ZNF804A: variants seen among roughly 807,000 people sequenced by gnomAD.
ZNF804A encodes the protein zinc finger protein 804A.
ZNF804A carries 2 observed loss-of-function variants against 16.5 expected under a neutral mutation model. The ratio of observed to expected loss-of-function variants is 0.12; its 90% CI spans 0.05 to 0.38. ZNF804A has a LOEUF of 0.38. Among genes scored for constraint, ZNF804A ranks in the 10% least tolerant of loss-of-function variants. The probability of loss-of-function intolerance (pLI) is 0.99; values close to 1 mark genes in which losing one functional copy is unlikely to be tolerated. For synonymous variants in ZNF804A, 534 were observed against 489.6 expected (o/e 1.09, Z -1.20); for missense variants, 1,473 against 1,390.7 (o/e 1.06, Z -0.94).
chr2:184,860,334 C>T (rs1695779642), intron 1 of ZNF804A, among the ~76,000 whole-genome samples: 1 of 152,194 alleles, frequency 6.6e-6, no homozygotes, highest in Non-Finnish European at 1.5e-5. Flanking sequence ...GGCCTGTGTC[C>T]ATGGTTACCT....
At chr2:184,698,944 C>T (rs1002755481) in intron 1 of ZNF804A, among the ~76,000 whole-genome samples, 3 of 151,916 alleles carry the variant, frequency 2.0e-5, no homozygotes, top group Non-Finnish European at 4.4e-5. Flanking sequence ...ATACTTGTAC[C>T]AATCAATGGC....
In ZNF804A at chr2:184,938,741, A is replaced by AGCT. The variant is rs1559010197; in HGVS notation, c.3347_3348insTGC (p.Ala1119dup). 6 of 1,608,020 alleles carry AGCT rather than the reference A, an allele frequency of 3.7e-6. No homozygotes were observed. Among genetic ancestry groups the AGCT allele is most frequent in the Admixed American group, 1.7e-5 (1 of 59,614 alleles). ...CTGCAGCTGCTGCAGCTGCAGCTGCAGCCGCAGCTGCAGGAACCTTTAAAG... is the reference window on the plus strand; with the variant it reads ...CTGCAGCTGCTGCAGCTGCAGCTGCAGCTGCCGCAGCTGCAGGAACCTTTAAAG... On this transcript the variant is annotated inframe_insertion, in exon 4 of 4. Transcript: ENST00000302277.
chr2:184,699,172 G>T (rs1692882334), intron 1 of ZNF804A, among the ~76,000 whole-genome samples: 1 of 151,982 alleles, frequency 6.6e-6, no homozygotes, highest in Non-Finnish European at 1.5e-5. Flanking sequence ...TTTATAATTG[G>T]CAATGATGGC....
At chr2:184,845,576 G>C (rs958763934) in intron 1 of ZNF804A, among the ~76,000 whole-genome samples, 42 of 152,156 alleles carry the variant, frequency 2.8e-4, no homozygotes, top group Non-Finnish European at 5.7e-4. Context: ...TCCTTCCCCT[G>C]GCTGGAACAA....
At chr2:184,884,542 CT>C (rs984686399) in intron 2 of ZNF804A, among the ~76,000 whole-genome samples, 1 of 151,954 alleles carries the variant, frequency 6.6e-6, no homozygotes, top group Non-Finnish European at 1.5e-5. Context: ...CACATTACCC[CT>C]TTTTAAACTA....
chr2:184,637,233 T>C (rs1320259132), intron 1 of ZNF804A, among the ~76,000 whole-genome samples: 2 of 152,172 alleles, frequency 1.3e-5, no homozygotes, highest in Non-Finnish European at 2.9e-5. Flanking sequence ...CTGATAATTA[T>C]ATAGTAAACG....
chr2:184,736,855 CTTCT>C (rs1559138267), intron 1 of ZNF804A, among the ~76,000 whole-genome samples: 5 of 129,602 alleles, frequency 3.9e-5, no homozygotes, highest in Non-Finnish European at 7.1e-5. Context: ...ACTCGTATTT[CTTCT>C]TTTTTTTTTT....
At chr2:184,599,839 T>C (rs1315114506) in intron 1 of ZNF804A, among the ~76,000 whole-genome samples, 4 of 152,148 alleles carry the variant, frequency 2.6e-5, no homozygotes, top group Non-Finnish European at 4.4e-5. Context: ...AGCATTGAGA[T>C]AGTGCAGGAT....
chr2:184,757,016 G>A (rs994292373), intron 1 of ZNF804A, among the ~76,000 whole-genome samples: 23 of 151,824 alleles, frequency 1.5e-4, no homozygotes, highest in African/African-American at 4.8e-4. Context: ...CTCTACGTCT[G>A]GTTTAAACAT....
chr2:184,822,744 C>T lies in ZNF804A; in HGVS notation c.112-43625C>T, dbSNP rs149899495. On this transcript the variant is annotated intron_variant, in intron 1 of 3. Coordinates refer to ENST00000302277, the MANE Select transcript of ZNF804A (RefSeq NM_194250.2). ...TTAAATTTGATAATCTTATAGAACA[C>T]AAGACTAAATACTTAGTAAGTCAAT... Among the ~76,000 whole-genome samples the T allele has an allele frequency of 2.1e-3, 327 of 152,114 alleles. 1 individual carries two copies. Among genetic ancestry groups the T allele is most frequent in the Middle Eastern group, 6.8e-3 (2 of 294 alleles).
intron 1 of ZNF804A, among the ~76,000 whole-genome samples, chr2:184,794,737 C>T (rs533233161): frequency 6.6e-5 from 10 of 152,032 alleles, no homozygotes; most frequent in Non-Finnish European, 1.3e-4. Flanking sequence ...AATTTACCAA[C>T]CAACTATCTG....
intron 1 of ZNF804A, among the ~76,000 whole-genome samples, chr2:184,844,592 A>G (rs975260531): frequency 2.0e-5 from 3 of 150,514 alleles, no homozygotes; most frequent in Admixed American, 1.3e-4. Context: ...TTACTTCTCC[A>G]TAGGTAACAC....
chr2:184,763,679 G>A (rs564846812), intron 1 of ZNF804A, among the ~76,000 whole-genome samples: 2 of 109,634 alleles, frequency 1.8e-5, no homozygotes, highest in South Asian at 3.2e-4. Flanking sequence ...GTCTTGCTCC[G>A]TCGCCCAGGC....
At chr2:184,747,001 A>C (rs535059375) in intron 1 of ZNF804A, among the ~76,000 whole-genome samples, 1 of 151,504 alleles carries the variant, frequency 6.6e-6, no homozygotes, top group East Asian at 1.9e-4. Flanking sequence ...GAAGCTCTGA[A>C]CAGATCCAAA....
intron 1 of ZNF804A, among the ~76,000 whole-genome samples, chr2:184,725,319 A>G (rs188611249): frequency 6.1e-4 from 92 of 151,800 alleles, no homozygotes; most frequent in African/African-American, 2.1e-3. Flanking sequence ...TCATATTTCT[A>G]TGTTAGCCAG....
At chr2:184,820,982 C>T (rs1695069733) in intron 1 of ZNF804A, among the ~76,000 whole-genome samples, 1 of 152,014 alleles carries the variant, frequency 6.6e-6, no homozygotes, top group Admixed American at 6.6e-5. Flanking sequence ...GCAAAAATTG[C>T]CATATTGCCC....
chr2:184,692,182 T>A (rs1441569256), intron 1 of ZNF804A, among the ~76,000 whole-genome samples: 1 of 152,190 alleles, frequency 6.6e-6, no homozygotes, highest in Non-Finnish European at 1.5e-5. Flanking sequence ...TCTCTGTATA[T>A]GCATGTGTGT....
intron 1 of ZNF804A, among the ~76,000 whole-genome samples, chr2:184,755,572 G>A (rs560300613): frequency 6.6e-6 from 1 of 151,818 alleles, no homozygotes; most frequent in Non-Finnish European, 1.5e-5. Context: ...GTTTTAGAAC[G>A]CAATAAAAAT....
At chr2:184,721,214 A>G (rs1286093433) in intron 1 of ZNF804A, among the ~76,000 whole-genome samples, 1 of 152,130 alleles carries the variant, frequency 6.6e-6, no homozygotes, top group Non-Finnish European at 1.5e-5. Flanking sequence ...GACCTCAAAA[A>G]CACAGTCAAT....
Sources: allele counts gnomAD v4.1 joint callset (sites outside exome capture counted in the v4.1 genomes callset), GRCh38; gene constraint gnomAD v4.1.1; transcripts MANE v1.5; gene names NCBI Gene and HGNC (gene_info 2026-07-23, HGNC 2026-07-21).